Variants in OR5A1 observed in about 807,000 individuals in gnomAD.
The protein encoded by OR5A1 is olfactory receptor 5A1.
A neutral mutation model predicts 6.7 loss-of-function variants in OR5A1; 6 were observed. The ratio of observed to expected loss-of-function variants is 0.89; its 90% confidence interval spans 0.49 to 1.76. The LOEUF is 1.76. OR5A1 is among the 40% of genes most tolerant of loss of function. The probability of loss-of-function intolerance (pLI) is 0.01; values close to 1 mark genes in which losing one functional copy is unlikely to be tolerated. For synonymous variants in OR5A1, 170 were observed against 155.0 expected (o/e 1.10, Z -0.72); for missense variants, 378 against 381.7 (o/e 0.99, Z 0.08).
At position 59,448,979 on chromosome 11, in the gene OR5A1, G is replaced by A. The variant is rs1032187595; in HGVS notation, c.*4863G>A. The A allele has an allele frequency of 7.9e-5, 12 of 152,076 alleles. No homozygotes were observed. The highest frequency in any genetic ancestry group is 2.9e-4 in the African/African-American group (12 of 41,368). 9.4% of individuals were successfully genotyped at this position (152,076 alleles called of 1,614,324 possible). On this transcript the variant is annotated 3_prime_UTR_variant, in exon 2 of 2. Transcript: ENST00000641045. ...AGAAGGAGCCTTTGGAGATTCCTCAGACTTCCCTGTACACAGTTTCATCAC... is the reference window on the plus strand; with the variant it reads ...AGAAGGAGCCTTTGGAGATTCCTCAAACTTCCCTGTACACAGTTTCATCAC...
chr11:59,437,183 T>C (rs1858426104), intron 1 of OR5A1, among the ~76,000 whole-genome samples: 1 of 152,176 alleles, frequency 6.6e-6, no homozygotes, highest in Non-Finnish European at 1.5e-5. Context: ...CAAATTATTA[T>C]CACCCAAAAT....
At position 59,450,641 on chromosome 11, in the gene OR5A1, C is replaced by T. The variant is rs964715861; in HGVS notation, c.*6525C>T. On this transcript the variant is annotated 3_prime_UTR_variant, in exon 2 of 2. Transcript: ENST00000641045. ...ATTTTTTTAATTAGACACAACAGAA[C>T]GTCTTTTTAAAATAAAAATGCCAAA... 1.2e-4 allele frequency: 18 copies of T among 152,140 alleles called. No homozygotes were observed. Among genetic ancestry groups the T allele is most frequent in the South Asian group, 2.1e-4 (1 of 4,828 alleles). The allele number at this position is 152,140 out of a possible 1,614,324, so 9.4% of individuals were successfully genotyped here.
rs544889550 is a variant in OR5A1 at position 59,439,968 on chromosome 11, C to T, written c.-34+3133C>T. Among the ~76,000 whole-genome samples the T allele has an allele frequency of 5.1e-4, 77 of 152,280 alleles. 1 individual carries two copies. Among genetic ancestry groups the T allele is most frequent in the African/African-American group, 1.8e-3 (74 of 41,572 alleles). On this transcript the variant is annotated intron_variant, in intron 1 of 1. Coordinates refer to ENST00000641045, the MANE Select transcript of OR5A1 (RefSeq NM_001004728.2). ...AGTTGCTGCTGATAACAATCACATTCCCAGTTTATTAAGCAAACATTCTAT... is the reference window on the plus strand; with the variant it reads ...AGTTGCTGCTGATAACAATCACATTTCCAGTTTATTAAGCAAACATTCTAT...
rs1456141128 is a variant in OR5A1, at chr11:59,449,953, A to T, written c.*5837A>T. On this transcript the variant is annotated 3_prime_UTR_variant, in exon 2 of 2. Transcript: ENST00000641045. ...CCTTCAGGGAGTTTACATTGGGAGG[A>T]AAAGGCAGACACACATAGACCCATA... The T allele has an allele frequency of 6.6e-6, 1 of 152,186 alleles. No individual in the cohort carries two copies. The highest frequency in any genetic ancestry group is 1.5e-5 in the Non-Finnish European group (1 of 68,038). 9.4% of individuals were successfully genotyped at this position (152,186 alleles called of 1,614,324 possible). A position where few individuals can be genotyped will look rare whatever the true frequency, so the allele number is the denominator to read the frequency against.
In OR5A1 at chr11:59,450,845, T is replaced by G. The variant is rs1858608387; in HGVS notation, c.*6729T>G. 1 of 152,260 alleles carries G rather than the reference T, an allele frequency of 6.6e-6. No homozygotes were observed. The highest frequency in any genetic ancestry group is 2.4e-5 in the African/African-American group (1 of 41,468). 9.4% of individuals were successfully genotyped at this position (152,260 alleles called of 1,614,324 possible). ...AAAGTACAATTCTACGTTATCACTT[T>G]GAATGTCTGCAAATACTTAATTGTA... On this transcript the variant is annotated 3_prime_UTR_variant, in exon 2 of 2. Coordinates refer to ENST00000641045, the MANE Select transcript of OR5A1 (RefSeq NM_001004728.2).
intron 1 of OR5A1, among the ~76,000 whole-genome samples, chr11:59,440,587 C>A (rs773907066): frequency 6.6e-6 from 1 of 152,200 alleles, no homozygotes. Flanking sequence ...ATAACACAGA[C>A]CTCAGGTTTC....
intron 1 of OR5A1, among the ~76,000 whole-genome samples, chr11:59,442,149 A>G (rs1858488927): frequency 6.6e-6 from 1 of 152,206 alleles, no homozygotes; most frequent in Non-Finnish European, 1.5e-5. Context: ...CCCACACTCA[A>G]CAACTAAACA....
rs1306958029 is a variant in OR5A1 at position 59,449,792 on chromosome 11, CTTG to C, written c.*5680_*5682del. On this transcript the variant is annotated 3_prime_UTR_variant, in exon 2 of 2. Transcript: ENST00000641045. ...AAAATGGCGTAAAGGAAAACAAATA[CTTG>C]TTGGGGAACTACTGCACATCAGGAG... The C allele has an allele frequency of 2.6e-5, 4 of 152,116 alleles. No individual in the cohort carries two copies. Among genetic ancestry groups the C allele is most frequent in the Non-Finnish European group, 5.9e-5 (4 of 68,014 alleles). 9.4% of individuals were successfully genotyped at this position (152,116 alleles called of 1,614,324 possible). A position where few individuals can be genotyped will look rare whatever the true frequency, so the allele number is the denominator to read the frequency against.
At chr11:59,437,842 T>C (rs561851710) in intron 1 of OR5A1, among the ~76,000 whole-genome samples, 1 of 152,336 alleles carries the variant, frequency 6.6e-6, no homozygotes, top group South Asian at 2.1e-4. Flanking sequence ...GGACCCTGTT[T>C]GATATAGTTT....
rs1318504073 is a variant in OR5A1 at position 59,446,820 on chromosome 11, T to A, written c.*2704T>A. On this transcript the variant is annotated 3_prime_UTR_variant, in exon 2 of 2. Transcript: ENST00000641045. ...GCATTCACTTTTCCATTGATGTAGG[T>A]CAATTGGATAAGTAGATATTTGATT... 6.6e-6 allele frequency: 1 copy of A among 152,222 alleles called. No individual in the cohort carries two copies. Among genetic ancestry groups the A allele is most frequent in the Non-Finnish European group, 1.5e-5 (1 of 68,052 alleles). The allele number at this position is 152,222 out of a possible 1,614,324, so 9.4% of individuals were successfully genotyped here. A position where few individuals can be genotyped will look rare whatever the true frequency, so the allele number is the denominator to read the frequency against.
rs569513719 is a variant in OR5A1 at position 59,447,365 on chromosome 11, G to A, written c.*3249G>A. 2.6e-5 allele frequency: 4 copies of A among 152,300 alleles called. No homozygotes were observed. The highest frequency in any genetic ancestry group is 9.6e-5 in the African/African-American group (4 of 41,562). 9.4% of individuals were successfully genotyped at this position (152,300 alleles called of 1,614,324 possible). On this transcript the variant is annotated 3_prime_UTR_variant, in exon 2 of 2. Transcript: ENST00000641045. The stretch of plus-strand genomic sequence containing the variant: ...CCAAAATGTAGGCCCAGAAGCAGAG[G>A]CCACAGCTATGCCTAGAACTACAGA...
Position 59,450,784 on chromosome 11 carries a change from T to C in OR5A1, c.*6668T>C, listed in dbSNP as rs1858607241. The C allele has an allele frequency of 6.6e-6, 1 of 152,242 alleles. No individual in the cohort carries two copies. The highest frequency in any genetic ancestry group is 1.5e-5 in the Non-Finnish European group (1 of 68,042). The allele number at this position is 152,242 out of a possible 1,614,324, so 9.4% of individuals were successfully genotyped here. ...AACATCATGTGACATATTCAGTGTT[T>C]TAATCTGTCACTAAAAAGAAATCTT... is the stretch of plus-strand genomic sequence containing the variant. On this transcript the variant is annotated 3_prime_UTR_variant, in exon 2 of 2. Coordinates refer to ENST00000641045, the MANE Select transcript of OR5A1 (RefSeq NM_001004728.2).
At position 59,445,698 on chromosome 11, in the gene OR5A1, C is replaced by T. The variant is rs542218664; in HGVS notation, c.*1582C>T. On this transcript the variant is annotated 3_prime_UTR_variant, in exon 2 of 2. Transcript: ENST00000641045. Reference sequence around the variant, plus strand: ...TGTTTCTTGACTTTTTAATAATTGCCATTCTGACTAGCATGAGATGGTATC... The same window carrying T: ...TGTTTCTTGACTTTTTAATAATTGCTATTCTGACTAGCATGAGATGGTATC... 2.6e-5 allele frequency: 4 copies of T among 152,216 alleles called. No individual in the cohort carries two copies. Among genetic ancestry groups the T allele is most frequent in the Admixed American group, 1.3e-4 (2 of 15,272 alleles). The allele number at this position is 152,216 out of a possible 1,614,324, so 9.4% of individuals were successfully genotyped here.
intron 1 of OR5A1, among the ~76,000 whole-genome samples, chr11:59,438,830 A>G (rs1468662963): frequency 6.6e-6 from 1 of 152,232 alleles, no homozygotes; most frequent in Non-Finnish European, 1.5e-5. Flanking sequence ...CACTAATGCT[A>G]TGAATGATAC....
intron 1 of OR5A1, among the ~76,000 whole-genome samples, chr11:59,441,689 G>C (rs994311470): frequency 5.3e-5 from 8 of 152,338 alleles, no homozygotes; most frequent in Non-Finnish European, 1.2e-4. Context: ...GGCAATGGGA[G>C]TCCTTACTGG....
Position 59,445,498 on chromosome 11 carries a change from T to C in OR5A1, c.*1382T>C, listed in dbSNP as rs1165093363. On this transcript the variant is annotated 3_prime_UTR_variant, in exon 2 of 2. Transcript: ENST00000641045. Reference sequence around the variant, plus strand: ...CATGCATGTATATTTATAATAGAATTATTTATATTCCTTTGGATATATACC... The same window carrying C: ...CATGCATGTATATTTATAATAGAATCATTTATATTCCTTTGGATATATACC... 1 of 152,144 alleles carries C rather than the reference T, an allele frequency of 6.6e-6. No individual in the cohort carries two copies. The highest frequency in any genetic ancestry group is 1.5e-5 in the Non-Finnish European group (1 of 68,002). 9.4% of individuals were successfully genotyped at this position (152,144 alleles called of 1,614,324 possible). A position where few individuals can be genotyped will look rare whatever the true frequency, so the allele number is the denominator to read the frequency against.
Position 59,443,475 on chromosome 11 carries a change from C to T in OR5A1, c.307C>T (p.Gln103Ter). 6.2e-7 allele frequency: 1 copy of T among 1,614,010 alleles called. No individual in the cohort carries two copies. The highest frequency in any genetic ancestry group is 8.5e-7 in the Non-Finnish European group (1 of 1,180,012). Residue 103 changes from glutamine to a stop codon, truncating the protein, a stop_gained, in exon 2 of 2, where the codon CAG becomes TAG. Coordinates refer to ENST00000641045, the MANE Select transcript of OR5A1 (RefSeq NM_001004728.2). LOFTEE classifies it high-confidence loss of function. ...KTISFVGCAA[Q>*]FFFFVGMGLS... ...CATATCATTTGTGGGCTGTGCTGCT[C>T]AGTTTTTTTTCTTTGTCGGCATGGG...
rs562461466 is a variant in OR5A1, at chr11:59,444,585, C to G, written c.*469C>G. ...ACCAAGGTCTTCCTGACTCCAGAGC[C>G]CACGTTCTGCCCAAACGCTGCACTC... On this transcript the variant is annotated 3_prime_UTR_variant, in exon 2 of 2. Coordinates refer to ENST00000641045, the MANE Select transcript of OR5A1 (RefSeq NM_001004728.2). 403 of 154,440 alleles carry G rather than the reference C, an allele frequency of 2.6e-3. No homozygotes were observed. Among genetic ancestry groups the G allele is most frequent in the African/African-American group, 9.2e-3 (381 of 41,526 alleles). The allele number at this position is 154,440 out of a possible 1,614,324, so 9.6% of individuals were successfully genotyped here. A position where few individuals can be genotyped will look rare whatever the true frequency, so the allele number is the denominator to read the frequency against.
rs1011023747 is a variant in OR5A1 at position 59,445,562 on chromosome 11, C to A, written c.*1446C>A. On this transcript the variant is annotated 3_prime_UTR_variant, in exon 2 of 2. Coordinates refer to ENST00000641045, the MANE Select transcript of OR5A1 (RefSeq NM_001004728.2). ...GCTGGGTCAAATGATATTTCCATTT[C>A]TAGGTCTTTGAGGACTCGCCACACT... is the stretch of plus-strand genomic sequence containing the variant. 2.0e-5 allele frequency: 3 copies of A among 152,094 alleles called. No homozygotes were observed. The highest frequency in any genetic ancestry group is 4.4e-5 in the Non-Finnish European group (3 of 68,010). The allele number at this position is 152,094 out of a possible 1,614,324, so 9.4% of individuals were successfully genotyped here. A position where few individuals can be genotyped will look rare whatever the true frequency, so the allele number is the denominator to read the frequency against.
Sources: gnomAD v4.1 joint callset for allele counts (sites outside exome capture counted in the v4.1 genomes callset) on GRCh38, gnomAD v4.1.1 for gene constraint, MANE v1.5 for transcripts, NCBI Gene and HGNC (gene_info 2026-07-23, HGNC 2026-07-21) for gene names.